NTM: variants seen among roughly 807,000 people sequenced by gnomAD.
The protein encoded by NTM is neurotrimin, also known as IgLON family member 2.
In NTM, 13 loss-of-function variants were observed where a neutral mutation model predicts 42.1. The ratio of observed to expected loss-of-function variants is 0.31; its 90% confidence interval spans 0.20 to 0.49. NTM has a LOEUF of 0.49. Among genes scored for constraint, NTM ranks in the 20% least tolerant of loss-of-function variants. The pLI, the probability that NTM is intolerant of heterozygous loss-of-function variation, is 0.99. For synonymous variants in NTM, 187 were observed against 179.2 expected (o/e 1.04, Z -0.35); for missense variants, 373 against 452.8 (o/e 0.82, Z 1.60).
intron 1 of NTM, among the ~76,000 whole-genome samples, chr11:131,391,480 C>A (rs557364053): frequency 8.6e-5 from 13 of 152,010 alleles, no homozygotes; most frequent in African/African-American, 3.1e-4. Context: ...CCCTTGACAT[C>A]CATTAAACAT....
chr11:132,018,466 TTTTC>T (rs907983016), intron 2 of NTM, among the ~76,000 whole-genome samples: 5 of 150,720 alleles, frequency 3.3e-5, no homozygotes, highest in Non-Finnish European at 7.4e-5. Context: ...TTAAAAATGT[TTTTC>T]TTTGTCTTTT....
chr11:131,848,896 CATATT>C (rs2045221784), intron 1 of NTM, among the ~76,000 whole-genome samples: 1 of 152,126 alleles, frequency 6.6e-6, no homozygotes, highest in Non-Finnish European at 1.5e-5. Context: ...GAGCCAGTAG[CATATT>C]ATATTACTTG....
intron 4 of NTM, among the ~76,000 whole-genome samples, chr11:132,246,156 C>T (rs1007669088): frequency 1.3e-5 from 2 of 152,202 alleles, no homozygotes; most frequent in African/African-American, 4.8e-5. Flanking sequence ...CAGGAAGACA[C>T]CCGCTTTGTT....
chr11:131,589,295 A>G (rs2059157415), intron 1 of NTM, among the ~76,000 whole-genome samples: 2 of 152,006 alleles, frequency 1.3e-5, no homozygotes, highest in Non-Finnish European at 2.9e-5. Flanking sequence ...CATGAATTTA[A>G]GCAGGGCTTT....
intron 2 of NTM, among the ~76,000 whole-genome samples, chr11:132,119,730 G>A (rs2064458683): frequency 1.3e-5 from 2 of 152,204 alleles, no homozygotes; most frequent in Admixed American, 1.3e-4. Flanking sequence ...CATATCTGAT[G>A]GGCTTTGGGG....
At chr11:131,730,955 T>C (rs2079600187) in intron 1 of NTM, among the ~76,000 whole-genome samples, 1 of 152,228 alleles carries the variant, frequency 6.6e-6, no homozygotes, top group Admixed American at 6.5e-5. Flanking sequence ...AAAAAAAGAA[T>C]TCTAGTTAGA....
intron 1 of NTM, among the ~76,000 whole-genome samples, chr11:131,778,357 G>T (rs1403036112): frequency 6.6e-6 from 1 of 152,184 alleles, no homozygotes; most frequent in Non-Finnish European, 1.5e-5. Flanking sequence ...TTTGAATGTT[G>T]CTTAAGATTC....
rs57607162 is a variant in NTM, at chr11:131,863,757, C to A, written c.83-47807C>A. ...CATCTGCCTTCTCTTCCCTAAAAAT[C>A]TTCCACAGGTTCAGGATGTCCTGCT... On this transcript the variant is annotated intron_variant, in intron 1 of 8. Transcript: ENST00000683400. Among the ~76,000 whole-genome samples the A allele has an allele frequency of 0.022, 3,352 of 152,286 alleles. 308 individuals carry two copies. In the East Asian group the frequency reaches 0.28, roughly 13 times the overall value.
At chr11:132,046,386 GA>G (rs59712664) in intron 2 of NTM, among the ~76,000 whole-genome samples, 24,703 of 145,498 alleles carry the variant, frequency 0.17, 2,496 homozygotes, top group African/African-American at 0.29. Context: ...AAAAGGAAAA[GA>G]AAAAAAAAAA....
At position 131,415,786 on chromosome 11, in the gene NTM, C is replaced by T. The variant is rs549022993; in HGVS notation, c.82+44898C>T. Among the ~76,000 whole-genome samples, 47 of 152,292 alleles carry T rather than the reference C, an allele frequency of 3.1e-4. No individual in the cohort carries two copies. The South Asian group carries it at 8.7e-3, about 28-fold the overall frequency. ...AGAACAACTGTCATGGCCTAAACCA[C>T]GATGACTCTTGAATTTCCCCATTAA... On this transcript the variant is annotated intron_variant, in intron 1 of 8. Transcript: ENST00000683400.
At position 131,695,282 on chromosome 11, in the gene NTM, G is replaced by A. The variant is rs138803393; in HGVS notation, c.83-216282G>A. ...ATGCCACCTGCACACCTCTGGCTTG[G>A]TGTTGGTTTTATTGTGCTTGTCCTA... On this transcript the variant is annotated intron_variant, in intron 1 of 8. Coordinates refer to ENST00000683400, the MANE Select transcript of NTM (RefSeq NM_001352005.2). 6.1e-3 allele frequency among the ~76,000 whole-genome samples: 933 copies of A among 152,086 alleles called. 15 individuals carry two copies. Among genetic ancestry groups the A allele is most frequent in the African/African-American group, 0.021 (871 of 41,500 alleles).
chr11:131,506,746 C>T (rs1043995961), intron 1 of NTM, among the ~76,000 whole-genome samples: 2 of 152,206 alleles, frequency 1.3e-5, no homozygotes, highest in Non-Finnish European at 1.5e-5. Context: ...TCTTCACTTC[C>T]TCTCCTTTTG....
intron 2 of NTM, among the ~76,000 whole-genome samples, chr11:132,086,255 C>T (rs759045421): frequency 4.9e-5 from 7 of 142,774 alleles, no homozygotes; most frequent in African/African-American, 1.1e-4. Flanking sequence ...ACCCAGGAGG[C>T]GGAGCTTGCA....
At chr11:131,637,105 G>A (rs1012574700) in intron 1 of NTM, among the ~76,000 whole-genome samples, 2 of 152,044 alleles carry the variant, frequency 1.3e-5, no homozygotes, top group Admixed American at 6.6e-5. Flanking sequence ...GCCAACCTGG[G>A]TACACAAGCT....
chr11:131,476,213 T>G (rs182705773), intron 1 of NTM, among the ~76,000 whole-genome samples: 26 of 152,350 alleles, frequency 1.7e-4, no homozygotes, highest in East Asian at 1.5e-3. Flanking sequence ...AGAAAATTCA[T>G]AATCCATTCT....
intron 1 of NTM, among the ~76,000 whole-genome samples, chr11:131,651,841 G>A (rs879284914): frequency 1.1e-3 from 63 of 59,098 alleles, no homozygotes; most frequent in African/African-American, 3.7e-3. Context: ...CTCCGTCCCC[G>A]CCCCCCCGAC....
intron 1 of NTM, among the ~76,000 whole-genome samples, chr11:131,775,471 T>C (rs1189029678): frequency 1.3e-5 from 2 of 152,116 alleles, no homozygotes; most frequent in East Asian, 3.9e-4. Context: ...ACAGCAGAAA[T>C]CAACATGACT....
rs1005996994 is a variant in NTM at position 131,912,944 on chromosome 11, G to A, written c.167+1296G>A. 5.3e-5 allele frequency among the ~76,000 whole-genome samples: 8 copies of A among 152,272 alleles called. No homozygotes were observed. In the South Asian group the frequency reaches 6.2e-4, roughly 12 times the overall value. ...AAGGAAGTGTGTAATTTAGGGACCCGTGCAGGGCTACAAGCATCCAGTGAT... is the reference window on the plus strand; with the variant it reads ...AAGGAAGTGTGTAATTTAGGGACCCATGCAGGGCTACAAGCATCCAGTGAT... On this transcript the variant is annotated intron_variant, in intron 2 of 8. Transcript: ENST00000683400.
At chr11:132,073,160 C>T (rs1429501070) in intron 2 of NTM, among the ~76,000 whole-genome samples, 1 of 152,086 alleles carries the variant, frequency 6.6e-6, no homozygotes, top group Non-Finnish European at 1.5e-5. Context: ...CTAAGGGTTT[C>T]CAAACTAAGT....
Sources: gnomAD v4.1 joint callset for allele counts (sites outside exome capture counted in the v4.1 genomes callset) on GRCh38, gnomAD v4.1.1 for gene constraint, MANE v1.5 for transcripts, NCBI Gene and HGNC (gene_info 2026-07-23, HGNC 2026-07-21) for gene names.